Variants in RASEF observed in about 807,000 individuals in gnomAD.
The protein encoded by RASEF is RAS and EF-hand domain containing.
A neutral mutation model predicts 90.1 loss-of-function variants in RASEF; 68 were observed. That is an observed-to-expected ratio of 0.75 (90% CI 0.62 to 0.92). The LOEUF is 0.92. RASEF is among the 40% of genes least tolerant of loss of function. The probability of loss-of-function intolerance (pLI) is 0.00; values close to 1 mark genes in which losing one functional copy is unlikely to be tolerated. For synonymous variants in RASEF, 331 were observed against 345.2 expected (o/e 0.96, Z 0.46); for missense variants, 949 against 937.2 (o/e 1.01, Z -0.16).
the RASEF span, among the ~76,000 whole-genome samples, chr9:83,180,393 T>C: frequency 6.6e-6 from 1 of 152,000 alleles, no homozygotes; most frequent in East Asian, 1.9e-4. Flanking sequence ...GGTCTCTAGG[T>C]TCAGAAAAAT....
At chr9:83,004,469 G>C (rs1232076054) in intron 9 of RASEF, 29 bp downstream of exon 9, 2 of 1,372,910 alleles carry the variant, frequency 1.5e-6, no homozygotes, top group Non-Finnish European at 2.1e-6. Flanking sequence ...TTCTGAACTT[G>C]AACAGAAAGT....
the RASEF span, among the ~76,000 whole-genome samples, chr9:83,200,460 C>A: frequency 1.3e-5 from 2 of 152,124 alleles, no homozygotes; most frequent in Non-Finnish European, 2.9e-5. Flanking sequence ...CAATTAGAAG[C>A]CTTGCACTTG....
At chr9:83,166,993 T>A in the RASEF span, among the ~76,000 whole-genome samples, 1 of 152,170 alleles carries the variant, frequency 6.6e-6, no homozygotes, top group South Asian at 2.1e-4. Flanking sequence ...TCCAGACTCT[T>A]TGAGGTGCAA....
the RASEF span, among the ~76,000 whole-genome samples, chr9:83,171,786 T>A: frequency 2.0e-5 from 3 of 151,826 alleles, no homozygotes; most frequent in East Asian, 5.8e-4. Flanking sequence ...TGTCTCTGGT[T>A]TTATTTAATT....
At chr9:83,181,908 T>A in the RASEF span, among the ~76,000 whole-genome samples, 2 of 152,214 alleles carry the variant, frequency 1.3e-5, no homozygotes, top group African/African-American at 4.8e-5. Flanking sequence ...GAAAATTCTA[T>A]GGTAATATCC....
At chr9:83,140,590 T>C in the RASEF span, among the ~76,000 whole-genome samples, 5 of 152,116 alleles carry the variant, frequency 3.3e-5, no homozygotes, top group South Asian at 2.1e-4. Flanking sequence ...ATAGAATATA[T>C]GGGTCCTATC....
At chr9:83,027,403 C>T (rs1829567687) in intron 1 of RASEF, among the ~76,000 whole-genome samples, 1 of 152,096 alleles carries the variant, frequency 6.6e-6, no homozygotes, top group African/African-American at 2.4e-5. Flanking sequence ...ATGTTCAGCC[C>T]CCATCCTGAA....
rs12115303 is a variant in RASEF at position 83,004,595 on chromosome 9, T to C, written c.1114-9A>G. The C allele has an allele frequency of 1.4e-3, 2,009 of 1,469,268 alleles. 23 individuals are homozygous for C. In the African/African-American group the frequency reaches 0.023, roughly 17 times the overall value. The allele number at this position is 1,469,268 out of a possible 1,614,324, so 91.0% of individuals were successfully genotyped here. A position where few individuals can be genotyped will look rare whatever the true frequency, so the allele number is the denominator to read the frequency against. ...GAGATATTATTTATATGCTGTAATA[T>C]AGAAGTAATCATTTGTTAGTTCATG... On this transcript the variant is annotated splice_polypyrimidine_tract_variant and intron_variant, in intron 8 of 16. Transcript: ENST00000376447.
chr9:82,984,705 A>G (rs1828680885), intron 16 of RASEF, among the ~76,000 whole-genome samples: 1 of 152,170 alleles, frequency 6.6e-6, no homozygotes. Flanking sequence ...ATAAATTTGC[A>G]TTATTTAAGC....
intron 16 of RASEF, among the ~76,000 whole-genome samples, chr9:82,983,607 C>T (rs967100475): frequency 6.6e-5 from 10 of 152,174 alleles, no homozygotes; most frequent in Admixed American, 3.3e-4. Context: ...GTGCCTGATG[C>T]CTCTCCCATC....
the RASEF span, among the ~76,000 whole-genome samples, chr9:83,178,991 C>A: frequency 9.9e-5 from 15 of 152,150 alleles, no homozygotes; most frequent in Admixed American, 2.0e-4. Context: ...AAAACTATTG[C>A]ATTAGCACCA....
chr9:82,989,926 T>G (rs189303405), intron 16 of RASEF, among the ~76,000 whole-genome samples: 1 of 152,364 alleles, frequency 6.6e-6, no homozygotes, highest in East Asian at 1.9e-4. Context: ...ACATCCAAAA[T>G]GTTATTTATT....
rs201832525 is a variant in RASEF at position 83,013,201 on chromosome 9, G to GAAC, written c.766-693_766-691dup. ...TGGTTCCACACATTTATAACCTGGA[G>GAAC]AACAACAACAACAACAACAACAACA... On this transcript the variant is annotated intron_variant, in intron 4 of 16. Transcript: ENST00000376447. Among the ~76,000 whole-genome samples, 215 of 151,906 alleles carry GAAC rather than the reference G, an allele frequency of 1.4e-3. 3 individuals carry two copies. The highest frequency in any genetic ancestry group is 7.9e-3 in the South Asian group (38 of 4,792).
intron 1 of RASEF, among the ~76,000 whole-genome samples, chr9:83,038,686 TTTA>T (rs1407439966): frequency 6.6e-6 from 1 of 152,200 alleles, no homozygotes; most frequent in African/African-American, 2.4e-5. Context: ...TACAAATAAC[TTTA>T]TTTTTAAAAT....
chr9:82,999,984 G>GACACACACACACACACAC (rs55873985), intron 12 of RASEF, among the ~76,000 whole-genome samples, 185 bp downstream of exon 12: 1 of 141,024 alleles, frequency 7.1e-6, no homozygotes, highest in Non-Finnish European at 1.5e-5. Context: ...TAGACTAGGA[G>GACACACACACACACACAC]ACACACACAC....
At chr9:83,190,249 A>C in the RASEF span, among the ~76,000 whole-genome samples, 1 of 152,198 alleles carries the variant, frequency 6.6e-6, no homozygotes, top group Non-Finnish European at 1.5e-5. Flanking sequence ...GAAGCATCTA[A>C]ACTATATGTA....
the RASEF span, among the ~76,000 whole-genome samples, chr9:83,210,965 A>AT: frequency 6.6e-6 from 1 of 152,202 alleles, no homozygotes; most frequent in African/African-American, 2.4e-5. Context: ...TTTAGTGTAG[A>AT]TTTTCTACAA....
rs756588595 is a variant in RASEF, at chr9:82,990,458, C to T, written c.2050G>A (p.Ala684Thr). 1.2e-6 allele frequency: 2 copies of T among 1,610,760 alleles called. No homozygotes were observed. The highest frequency in any genetic ancestry group is 1.7e-6 in the Non-Finnish European group (2 of 1,177,196). The change falls in exon 16 of 17, where the codon GCA (alanine) becomes ACA (threonine). Residue 684 changes from alanine to threonine, a missense_variant. Transcript: ENST00000376447. ...FGEKLAMTYG[A>T]LFCETSAKDG... is the part of the protein sequence containing the mutation. ...TTGGCACTTGTTTCACAGAATAATG[C>T]CCCATACGTCTGTAAAAAAGAAATA...
At chr9:83,175,397 A>G in the RASEF span, among the ~76,000 whole-genome samples, 5 of 152,204 alleles carry the variant, frequency 3.3e-5, no homozygotes, top group Admixed American at 6.5e-5. Flanking sequence ...TTGATACAGC[A>G]TATGACTTTA....
Sources: allele counts gnomAD v4.1 joint callset (sites outside exome capture counted in the v4.1 genomes callset), GRCh38; gene constraint gnomAD v4.1.1; transcripts MANE v1.5; gene names NCBI Gene and HGNC (gene_info 2026-07-23, HGNC 2026-07-21).